Variants in BMP6 observed in about 807,000 individuals in gnomAD.
BMP6 encodes bone morphogenetic protein 6, also known as VG-1-R.
In BMP6, 17 loss-of-function variants were observed where a neutral mutation model predicts 54.1. That is an observed-to-expected ratio of 0.31 (90% CI 0.22 to 0.47). The LOEUF is 0.47. Among genes scored for constraint, BMP6 ranks in the 20% least tolerant of loss-of-function variants. The probability of loss-of-function intolerance (pLI) is 1.00; values close to 1 mark genes in which losing one functional copy is unlikely to be tolerated. For synonymous variants in BMP6, 328 were observed against 291.2 expected (o/e 1.13, Z -1.28); for missense variants, 720 against 690.4 (o/e 1.04, Z -0.48).
chr6:7,878,372 C>T (rs1199729406), intron 4 of BMP6, among the ~76,000 whole-genome samples: 1 of 152,202 alleles, frequency 6.6e-6, no homozygotes, highest in African/African-American at 2.4e-5. Flanking sequence ...ACCCCCAGTG[C>T]TCTTGCTGGT....
chr6:7,734,338 T>TA (rs1761921010), intron 1 of BMP6, among the ~76,000 whole-genome samples: 1 of 152,258 alleles, frequency 6.6e-6, no homozygotes, highest in African/African-American at 2.4e-5. Context: ...TTAAATTTGT[T>TA]AGATGTTTTC....
intron 1 of BMP6, among the ~76,000 whole-genome samples, chr6:7,841,362 A>G (rs936378067): frequency 1.3e-5 from 2 of 152,162 alleles, no homozygotes; most frequent in Non-Finnish European, 2.9e-5. Context: ...TTTCTCTCCC[A>G]TTCATATTTC....
At chr6:7,825,518 C>G (rs1441885200) in intron 1 of BMP6, among the ~76,000 whole-genome samples, 3 of 151,920 alleles carry the variant, frequency 2.0e-5, no homozygotes, top group African/African-American at 7.3e-5. Flanking sequence ...GTCAGGAATT[C>G]GAGACCAGCC....
intron 4 of BMP6, among the ~76,000 whole-genome samples, chr6:7,869,904 C>T (rs1759491712): frequency 1.3e-5 from 2 of 152,186 alleles, no homozygotes; most frequent in African/African-American, 4.8e-5. Context: ...GAAAGGGGAT[C>T]AGCCAGAGGC....
intron 1 of BMP6, among the ~76,000 whole-genome samples, chr6:7,728,537 A>C (rs531577097): frequency 1.3e-5 from 2 of 152,158 alleles, no homozygotes; most frequent in Non-Finnish European, 2.9e-5. Context: ...GAGTTTTCTC[A>C]TCTGTAAATG....
chr6:7,842,755 C>T (rs754138805), intron 1 of BMP6, among the ~76,000 whole-genome samples: 3 of 152,216 alleles, frequency 2.0e-5, no homozygotes, highest in Non-Finnish European at 2.9e-5. Flanking sequence ...TACCACATTT[C>T]TCCTTTGTTA....
intron 4 of BMP6, among the ~76,000 whole-genome samples, chr6:7,864,681 G>T (rs1326884823): frequency 6.6e-6 from 1 of 152,168 alleles, no homozygotes; most frequent in African/African-American, 2.4e-5. Context: ...TGTGGAGCTT[G>T]AGGATCCACC....
chr6:7,753,735 T>C (rs572077465), intron 1 of BMP6, among the ~76,000 whole-genome samples: 4 of 152,272 alleles, frequency 2.6e-5, no homozygotes, highest in Non-Finnish European at 5.9e-5. Context: ...CTTTTCTAAA[T>C]AAGCATTAAA....
At chr6:7,827,019 G>T (rs1416230424) in intron 1 of BMP6, among the ~76,000 whole-genome samples, 1 of 152,168 alleles carries the variant, frequency 6.6e-6, no homozygotes, top group Non-Finnish European at 1.5e-5. Context: ...CCACAACCCA[G>T]CATCAACCTG....
chr6:7,746,653 A>C (rs1473555394), intron 1 of BMP6, among the ~76,000 whole-genome samples: 1 of 152,248 alleles, frequency 6.6e-6, no homozygotes, highest in Non-Finnish European at 1.5e-5. Flanking sequence ...GTTACGATTT[A>C]AATAGACATT....
intron 1 of BMP6, among the ~76,000 whole-genome samples, chr6:7,815,324 A>G (rs1561780882): frequency 1.3e-5 from 2 of 152,246 alleles, no homozygotes; most frequent in African/African-American, 4.8e-5. Context: ...CAGGGTGACT[A>G]AGAGCAAGAA....
intron 1 of BMP6, among the ~76,000 whole-genome samples, chr6:7,771,203 CGTA>C (rs1366484955): frequency 1.3e-5 from 2 of 152,204 alleles, no homozygotes; most frequent in African/African-American, 4.8e-5. Flanking sequence ...GTACCTGACA[CGTA>C]GTAAATGTTT....
intron 1 of BMP6, among the ~76,000 whole-genome samples, chr6:7,748,352 G>C (rs534298530): frequency 1.5e-4 from 23 of 152,178 alleles, no homozygotes; most frequent in African/African-American, 4.1e-4. Context: ...TTGCAATAAG[G>C]GGCCATTAAA....
chr6:7,845,382 A>G (rs1390549438), intron 2 of BMP6, 50 bp downstream of exon 2: 1 of 1,523,972 alleles, frequency 6.6e-7, no homozygotes, highest in Non-Finnish European at 8.9e-7. Context: ...CCTGTTTCCC[A>G]CCTTTTGTCA....
intron 1 of BMP6, among the ~76,000 whole-genome samples, chr6:7,768,014 C>A (rs1757718405): frequency 6.6e-6 from 1 of 152,010 alleles, no homozygotes. Context: ...GTTTTTTTCT[C>A]CCCGCTTGGG....
At chr6:7,772,885 T>C (rs1426441361) in intron 1 of BMP6, among the ~76,000 whole-genome samples, 1 of 152,190 alleles carries the variant, frequency 6.6e-6, no homozygotes. Flanking sequence ...GAACATTTGA[T>C]CTGATTACTT....
At chr6:7,756,051 GTGAGT>G (rs1214535732) in intron 1 of BMP6, among the ~76,000 whole-genome samples, 1 of 151,890 alleles carries the variant, frequency 6.6e-6, no homozygotes, top group Non-Finnish European at 1.5e-5. Flanking sequence ...GTTTCTATCT[GTGAGT>G]TTATAGTTTT....
chr6:7,783,332 G>A (rs1181476986), intron 1 of BMP6, among the ~76,000 whole-genome samples: 2 of 152,214 alleles, frequency 1.3e-5, no homozygotes, highest in Non-Finnish European at 2.9e-5. Context: ...GAGATAACAT[G>A]TAAAGTTATC....
chr6:7,766,804 A>G (rs1025162918), intron 1 of BMP6, among the ~76,000 whole-genome samples: 3 of 152,148 alleles, frequency 2.0e-5, no homozygotes, highest in African/African-American at 4.8e-5. Context: ...CATTTTAGCT[A>G]TCATTCCTAT....
Sources: allele counts gnomAD v4.1 joint callset (sites outside exome capture counted in the v4.1 genomes callset), GRCh38; gene constraint gnomAD v4.1.1; transcripts MANE v1.5; gene names NCBI Gene and HGNC (gene_info 2026-07-23, HGNC 2026-07-21).